The following KRIT1 variants were observed in gnomAD, a reference collection of about 807,000 sequenced individuals.
KRIT1 encodes the protein krev interaction trapped protein 1.
A neutral mutation model predicts 95.8 loss-of-function variants in KRIT1; 45 were observed. The ratio of observed to expected loss-of-function variants is 0.47; its 90% CI spans 0.37 to 0.60. KRIT1 has a LOEUF of 0.60. Among genes scored for constraint, KRIT1 ranks in the 20% least tolerant of loss-of-function variants. The pLI, the probability that KRIT1 is intolerant of heterozygous loss-of-function variation, is 0.00. For synonymous variants in KRIT1, 282 were observed against 278.8 expected (o/e 1.01, Z -0.11); for missense variants, 788 against 877.5 (o/e 0.90, Z 1.29).
chr7:92,199,402 T>C (rs542295780), downstream of KRIT1: 35 of 152,362 alleles, frequency 2.3e-4, no homozygotes, highest in African/African-American at 8.4e-4. Flanking sequence ...AATATGACTA[T>C]ATCTCTGAAC....
At chr7:92,204,483 C>G (rs182115967) in intron 17 of KRIT1, among the ~76,000 whole-genome samples, 1 of 151,560 alleles carries the variant, frequency 6.6e-6, no homozygotes, top group Non-Finnish European at 1.5e-5. Context: ...TAATATGTAA[C>G]GAAATAATTA....
At chr7:92,207,610 A>C (rs1332004351) in intron 17 of KRIT1, among the ~76,000 whole-genome samples, 1 of 152,144 alleles carries the variant, frequency 6.6e-6, no homozygotes, top group African/African-American at 2.4e-5. Context: ...TAATCCCAGC[A>C]CTTTGGGAGG....
At chr7:92,221,816 G>C in intron 14 of KRIT1, 86 bp downstream of exon 14, 1 of 1,119,568 alleles carries the variant, frequency 8.9e-7, no homozygotes, top group Non-Finnish European at 1.3e-6. Context: ...AAGGATGTAA[G>C]CACAATTTCT....
In KRIT1 at chr7:92,201,327, A is replaced by G; in HGVS notation, c.2122T>C (p.Phe708Leu). Reference sequence around the variant, plus strand: ...CTTACCTGTTTTGTATGTACTATAAAGCTCATTTTATTTTCCATGCTATGG... The same window carrying G: ...CTTACCTGTTTTGTATGTACTATAAGGCTCATTTTATTTTCCATGCTATGG... Reference protein sequence around the residue: ...QIHSMENKMSFIVHTKQAGLV... With the variant: ...QIHSMENKMSLIVHTKQAGLV... Residue 708 changes from phenylalanine (F) to leucine (L), a missense_variant, in exon 18 of 19, where the codon TTT becomes CTT. Physicochemically the swap from Phe to Leu is conservative, Grantham distance 22. This residue lies in a region of KRIT1 where 493 missense variants were observed against 582.3 expected (regional missense o/e 0.85). Transcript: ENST00000394505. 1 of 1,515,510 alleles carries G rather than the reference A, an allele frequency of 6.6e-7. No homozygotes were observed. The highest frequency in any genetic ancestry group is 9.2e-7 in the Non-Finnish European group (1 of 1,090,458). 93.9% of individuals were successfully genotyped at this position (1,515,510 alleles called of 1,614,324 possible). A position where few individuals can be genotyped will look rare whatever the true frequency, so the allele number is the denominator to read the frequency against.
At chr7:92,223,071 A>G (rs755325477) in intron 12 of KRIT1, 93 bp from the exon 13 acceptor site, 4 of 790,196 alleles carry the variant, frequency 5.1e-6, no homozygotes, top group Non-Finnish European at 8.6e-6. Flanking sequence ...GCTTTATTAT[A>G]GATTTCTAAC....
chr7:92,240,843 T>C (rs947687899), intron 5 of KRIT1, 150 bp downstream of exon 5: 2 of 673,054 alleles, frequency 3.0e-6, no homozygotes, highest in African/African-American at 1.8e-5. Context: ...GGGGCTTGGG[T>C]GTACCTTAAA....
At chr7:92,227,220 A>C (rs966498452) in intron 10 of KRIT1, among the ~76,000 whole-genome samples, 5 of 152,230 alleles carry the variant, frequency 3.3e-5, no homozygotes, top group African/African-American at 4.8e-5. Flanking sequence ...ACATGGGATA[A>C]GTTACATAAT....
chr7:92,203,005 T>A (rs964007445), intron 17 of KRIT1, among the ~76,000 whole-genome samples: 7 of 152,180 alleles, frequency 4.6e-5, no homozygotes, highest in Non-Finnish European at 8.8e-5. Context: ...AAACAGTCCA[T>A]TAATATGGCT....
Position 92,234,566 on chromosome 7 carries a change from G to C in KRIT1, c.872C>G (p.Pro291Arg). The C allele has an allele frequency of 6.2e-7, 1 of 1,613,174 alleles. No homozygotes were observed. Among genetic ancestry groups the C allele is most frequent in the South Asian group, 1.1e-5 (1 of 91,072 alleles). ...DKERQWVDDFPLHRSACEGDS... is the reference protein window; with the variant it reads ...DKERQWVDDFRLHRSACEGDS... ...TCCTTCACAGGCGCTTCGGTGGAGAGGAAAATCATCTACCCACTGTCGTTC... is the reference window on the plus strand; with the variant it reads ...TCCTTCACAGGCGCTTCGGTGGAGACGAAAATCATCTACCCACTGTCGTTC... Residue 291 changes from proline (P) to arginine (R), a missense_variant, in exon 10 of 19, where the codon CCT becomes CGT. Pro to Arg is a moderately radical substitution (Grantham distance 103). Transcript: ENST00000394505.
chr7:92,236,808 A>G lies in KRIT1; in HGVS notation c.356-266T>C, dbSNP rs117020979. On this transcript the variant is annotated intron_variant, in intron 6 of 18. Transcript: ENST00000394505. ...CAATGCTGTAAAACTCATTAATAAG[A>G]TTTCCAATGCTACTTAAGATACTGA... Among the ~76,000 whole-genome samples the G allele has an allele frequency of 5.8e-3, 878 of 152,266 alleles. 4 individuals are homozygous for G. The highest frequency in any genetic ancestry group is 0.028 in the South Asian group (133 of 4,832).
intron 17 of KRIT1, among the ~76,000 whole-genome samples, chr7:92,208,594 C>T (rs771054404): frequency 2.4e-4 from 36 of 151,896 alleles, no homozygotes; most frequent in African/African-American, 8.0e-4. Flanking sequence ...GATAGGCTAA[C>T]AAATTGGAAA....
At chr7:92,214,049 T>C in intron 15 of KRIT1, 70 bp from the exon 16 acceptor site, 1 of 938,424 alleles carries the variant, frequency 1.1e-6, no homozygotes, top group Non-Finnish European at 1.8e-6. Context: ...AATCATTCTG[T>C]TACAAATGGC....
At chr7:92,240,886 T>C (rs1799469034) in intron 5 of KRIT1, 107 bp downstream of exon 5, 1 of 922,116 alleles carries the variant, frequency 1.1e-6, no homozygotes, top group East Asian at 2.5e-5. Flanking sequence ...GTTTGTTAAA[T>C]GTAAAGGAAC....
In KRIT1 at chr7:92,213,396, G is replaced by A. The variant is rs777671937; in HGVS notation, c.1824C>T (p.Leu608=). The A allele has an allele frequency of 6.2e-7, 1 of 1,601,846 alleles. No homozygotes were observed. The highest frequency in any genetic ancestry group is 8.6e-7 in the Non-Finnish European group (1 of 1,169,334). The change falls in exon 17 of 19, where the codon CTC becomes CTT. Residue 608 remains leucine (L), a synonymous_variant. Transcript: ENST00000394505. The part of the protein sequence containing the change: ...TNRILHEYKN[L]STSEGVSKEM... ...CTTTACTGACACCTTCACTTGTACT[G>A]AGATTCTAAAAACAAACAAGGTAAA...
chr7:92,236,173 T>A (rs1311943477), intron 7 of KRIT1: 1 of 398,408 alleles, frequency 2.5e-6, no homozygotes, highest in Admixed American at 4.0e-5. Context: ...AAATCTTAAT[T>A]CTTAAGCCAG....
Position 92,199,894 on chromosome 7 carries a change from A to G in KRIT1, c.*842T>C, listed in dbSNP as rs1253820514. The G allele has an allele frequency of 6.6e-6, 1 of 152,208 alleles. No individual in the cohort carries two copies. Among genetic ancestry groups the G allele is most frequent in the East Asian group, 1.9e-4 (1 of 5,208 alleles). The allele number at this position is 152,208 out of a possible 1,614,324, so 9.4% of individuals were successfully genotyped here. A position where few individuals can be genotyped will look rare whatever the true frequency, so the allele number is the denominator to read the frequency against. On this transcript the variant is annotated 3_prime_UTR_variant, in exon 19 of 19. Transcript: ENST00000394505. ...GTAATTATGATGCAAGGAGTTCATG[A>G]ACTATACTTTGAGAAACACTACTGT...
At chr7:92,219,939 T>C (rs750806823) in intron 14 of KRIT1, among the ~76,000 whole-genome samples, 15 of 152,240 alleles carry the variant, frequency 9.9e-5, no homozygotes, top group African/African-American at 1.7e-4. Flanking sequence ...TGCTGGTATA[T>C]AGACAACAGA....
rs1005930739 is a variant in KRIT1, at chr7:92,200,580, G to A, written c.*156C>T. 1 of 661,856 alleles carries A rather than the reference G, an allele frequency of 1.5e-6. No homozygotes were observed. Among genetic ancestry groups the A allele is most frequent in the East Asian group, 2.9e-5 (1 of 34,880 alleles). 41.0% of individuals were successfully genotyped at this position (661,856 alleles called of 1,614,324 possible). A position where few individuals can be genotyped will look rare whatever the true frequency, so the allele number is the denominator to read the frequency against. The stretch of plus-strand genomic sequence containing the variant: ...GTTGGCCAGGCTGGTCTTGAACTCT[G>A]ACTTCAGGTGATCCGCCTGCCCCAG... On this transcript the variant is annotated 3_prime_UTR_variant, in exon 19 of 19. Transcript: ENST00000394505.
At chr7:92,226,425 T>C in intron 11 of KRIT1, 101 bp downstream of exon 11, 1 of 911,770 alleles carries the variant, frequency 1.1e-6, no homozygotes, top group Non-Finnish European at 1.8e-6. Context: ...TTTATTTTTA[T>C]TTTTCAGATG....
Sources: gnomAD v4.1 joint callset for allele counts (sites outside exome capture counted in the v4.1 genomes callset) on GRCh38, gnomAD v4.1.1 for gene constraint, gnomAD v4.1.1 regional missense constraint, MANE v1.5 for transcripts, NCBI Gene and HGNC (gene_info 2026-07-23, HGNC 2026-07-21) for gene names.